The following RNASET2 variants were observed in gnomAD, a reference collection of about 807,000 sequenced individuals.
The protein encoded by RNASET2 is ribonuclease 6.
A neutral mutation model predicts 33.9 loss-of-function variants in RNASET2; 28 were observed. The observed-to-expected ratio is 0.83, with a 90% confidence interval of 0.61 to 1.13. The LOEUF is 1.13. RNASET2 is among the 50% of genes most tolerant of loss of function. The pLI, the probability that RNASET2 is intolerant of heterozygous loss-of-function variation, is 0.00. For synonymous variants in RNASET2, 123 were observed against 121.0 expected, an observed-to-expected ratio of 1.02 and a Z score of -0.11; for missense variants, 330 against 319.9, an observed-to-expected ratio of 1.03 and a Z score of -0.24.
Position 166,935,106 on chromosome 6 carries a change from C to T in RNASET2, c.447-970G>A, listed in dbSNP as rs149453936. On this transcript the variant is annotated intron_variant, in intron 6 of 8. Coordinates refer to ENST00000508775, the MANE Select transcript of RNASET2 (RefSeq NM_003730.6). ...GCCACAGAGTTCCTGGAACAAGGAC[C>T]GAGATGCCGGACCAGGGTCCTTTCA... 68 of 152,150 alleles carry T rather than the reference C, an allele frequency of 4.5e-4. 2 individuals carry two copies. The East Asian group carries it at 0.013, about 29-fold the overall frequency. The allele number at this position is 152,150 out of a possible 1,614,324, so 9.4% of individuals were successfully genotyped here.
chr6:166,924,612 G>A lies in RNASET2; in HGVS notation c.*4976C>T, dbSNP rs765779013. On this transcript the variant is annotated 3_prime_UTR_variant, in exon 9 of 9. Transcript: ENST00000508775. Reference sequence around the variant, plus strand: ...GGTTCCGAGGAAGCCTTCCCTGGCCGCCTTCATAACTCTGACCTCCTCCCT... The same window carrying A: ...GGTTCCGAGGAAGCCTTCCCTGGCCACCTTCATAACTCTGACCTCCTCCCT... 5.3e-5 allele frequency among the ~76,000 whole-genome samples: 8 copies of A among 152,036 alleles called. No homozygotes were observed. The highest frequency in any genetic ancestry group is 9.7e-5 in the African/African-American group (4 of 41,406).
chr6:166,946,833 G>A (rs1350183301), intron 3 of RNASET2, 94 bp from the exon 4 acceptor site: 1 of 760,276 alleles, frequency 1.3e-6, no homozygotes, highest in Non-Finnish European at 2.3e-6. Flanking sequence ...ATTGAAGTCT[G>A]CAAAGAATAA....
At position 166,924,550 on chromosome 6, in the gene RNASET2, C is replaced by T. The variant is rs1778276184; in HGVS notation, c.*5038G>A. On this transcript the variant is annotated 3_prime_UTR_variant, in exon 9 of 9. Transcript: ENST00000508775. Reference sequence around the variant, plus strand: ...AGTGTGACGTGGCCATTAGGGCCCACAGATCCTTCCCTGCAGTTGCTGTCT... The same window carrying T: ...AGTGTGACGTGGCCATTAGGGCCCATAGATCCTTCCCTGCAGTTGCTGTCT... 6.6e-6 allele frequency among the ~76,000 whole-genome samples: 1 copy of T among 152,204 alleles called. No homozygotes were observed. Among genetic ancestry groups the T allele is most frequent in the Non-Finnish European group, 1.5e-5 (1 of 68,044 alleles).
chr6:166,944,534 T>C (rs1778781013), intron 4 of RNASET2, among the ~76,000 whole-genome samples: 1 of 140,104 alleles, frequency 7.1e-6, no homozygotes, highest in Non-Finnish European at 1.5e-5. Context: ...CTCTCCGAGA[T>C]GTCCTAGGGC....
intron 3 of RNASET2, among the ~76,000 whole-genome samples, chr6:166,947,179 A>C (rs1002089811): frequency 2.0e-5 from 3 of 152,250 alleles, no homozygotes; most frequent in Middle Eastern, 3.4e-3. Context: ...TTCAATGGTG[A>C]GGAGGACTCC....
chr6:166,949,500 C>CAAAAAAA (rs61621125), intron 2 of RNASET2, among the ~76,000 whole-genome samples: 37 of 44,384 alleles, frequency 8.3e-4, no homozygotes, highest in Non-Finnish European at 9.1e-4. Flanking sequence ...GACTCCATCT[C>CAAAAAAA]AAAAAAAAAA....
At chr6:166,934,286 G>A in intron 6 of RNASET2, 150 bp from the exon 7 acceptor site, 3 of 669,972 alleles carry the variant, frequency 4.5e-6, no homozygotes, top group Non-Finnish European at 8.1e-6. Context: ...TGTCAACATG[G>A]ACTGCAAATA....
At chr6:166,951,002 C>T (rs1778971261) in intron 2 of RNASET2, among the ~76,000 whole-genome samples, 1 of 152,176 alleles carries the variant, frequency 6.6e-6, no homozygotes, top group Admixed American at 6.5e-5. Context: ...CCACTACCAC[C>T]AAGACGCGGA....
At position 166,933,597 on chromosome 6, in the gene RNASET2, A is replaced by G. The variant is rs1778497988; in HGVS notation, c.492+494T>C. 5.7e-6 allele frequency: 1 copy of G among 176,818 alleles called. No homozygotes were observed. The highest frequency in any genetic ancestry group is 1.2e-5 in the Non-Finnish European group (1 of 83,582). The allele number at this position is 176,818 out of a possible 1,614,324, so 11.0% of individuals were successfully genotyped here. A position where few individuals can be genotyped will look rare whatever the true frequency, so the allele number is the denominator to read the frequency against. On this transcript the variant is annotated intron_variant, in intron 7 of 8. Transcript: ENST00000508775. The surrounding 1 kb of genome is among the most constrained non-coding windows in gnomAD (Gnocchi z 4.1). Reference sequence around the variant, plus strand: ...AAATTCTAGCCACAAGCAATCCTCCAGCCTGAGCCTCCCAAGGTCCTGGGA... The same window carrying G: ...AAATTCTAGCCACAAGCAATCCTCCGGCCTGAGCCTCCCAAGGTCCTGGGA...
Position 166,926,986 on chromosome 6 carries a change from G to A in RNASET2, c.*2602C>T, listed in dbSNP as rs1583210220. On this transcript the variant is annotated 3_prime_UTR_variant, in exon 9 of 9. Transcript: ENST00000508775. ...GGGAGACACTTGTACCCCCAGCTCT[G>A]ATCCCAGAGCCTGGCCTGCTCCTCC... is the stretch of plus-strand genomic sequence containing the variant. Among the ~76,000 whole-genome samples the A allele has an allele frequency of 6.6e-6, 1 of 152,124 alleles. No homozygotes were observed. The highest frequency in any genetic ancestry group is 1.9e-4 in the East Asian group (1 of 5,178).
At chr6:166,930,764 C>T (rs1349842969) in intron 8 of RNASET2, among the ~76,000 whole-genome samples, 1 of 151,476 alleles carries the variant, frequency 6.6e-6, no homozygotes, top group South Asian at 2.1e-4. Context: ...ACACACAGGA[C>T]ATGCACACAC....
At chr6:166,955,714 G>A in intron 1 of RNASET2, 1 of 1,101,806 alleles carries the variant, frequency 9.1e-7, no homozygotes, top group African/African-American at 1.7e-5. Flanking sequence ...GGGTCACCCC[G>A]GGGAGTGTTC....
At chr6:166,929,814 G>T in intron 8 of RNASET2, 23 bp from the exon 9 acceptor site, 1 of 1,594,418 alleles carries the variant, frequency 6.3e-7, no homozygotes, top group Non-Finnish European at 8.6e-7. Context: ...AATGAAAGAC[G>T]CTTTAGAATT....
chr6:166,952,709 G>T, intron 1 of RNASET2, 161 bp from the exon 2 acceptor site: 1 of 663,460 alleles, frequency 1.5e-6, no homozygotes, highest in Non-Finnish European at 2.8e-6. Context: ...TGAGGAAGGC[G>T]GTACACCCCT....
chr6:166,936,281 A>C (rs556038975), intron 6 of RNASET2, among the ~76,000 whole-genome samples: 1 of 152,234 alleles, frequency 6.6e-6, no homozygotes, highest in Non-Finnish European at 1.5e-5. Flanking sequence ...CATCTACAGC[A>C]ATGGCAGGGC....
rs1778260549 is a variant in RNASET2 at position 166,923,260 on chromosome 6, C to A, written c.*6328G>T. ...TTTTTTTTTTTTTTTGAGACAGAGT[C>A]TTACTCTGTTGCCCAAGCTTGAGTA... On this transcript the variant is annotated 3_prime_UTR_variant, in exon 9 of 9. Coordinates refer to ENST00000508775, the MANE Select transcript of RNASET2 (RefSeq NM_003730.6). Among the ~76,000 whole-genome samples the A allele has an allele frequency of 9.7e-6, 1 of 102,718 alleles. No individual in the cohort carries two copies. Among genetic ancestry groups the A allele is most frequent in the African/African-American group, 6.0e-5 (1 of 16,620 alleles). 67.4% of individuals were successfully genotyped at this position (102,718 alleles called of 152,430 possible).
At chr6:166,941,681 T>C (rs1778696561) in intron 5 of RNASET2, among the ~76,000 whole-genome samples, 1 of 152,206 alleles carries the variant, frequency 6.6e-6, no homozygotes, top group African/African-American at 2.4e-5. Context: ...TTTCATTTTG[T>C]TTTCAAAAGC....
At chr6:166,943,338 A>G (rs1778739612) in intron 4 of RNASET2, 1 of 401,864 alleles carries the variant, frequency 2.5e-6, no homozygotes, top group Non-Finnish European at 4.7e-6. Context: ...TAAAGTGTAC[A>G]TCCAAACAAT....
At chr6:166,938,616 C>T (rs3777722) in intron 6 of RNASET2, 27 of 687,982 alleles carry the variant, frequency 3.9e-5, no homozygotes, top group South Asian at 3.3e-4. Context: ...GGTTGGAGTC[C>T]TCGTTTTCCC....
Sources: allele counts gnomAD v4.1 joint callset (sites outside exome capture counted in the v4.1 genomes callset), GRCh38; gene constraint gnomAD v4.1.1; non-coding constraint Gnocchi (gnomAD v3.1); transcripts MANE v1.5; gene names NCBI Gene and HGNC (gene_info 2026-07-23, HGNC 2026-07-21).